IZUMO4: variants seen among roughly 807,000 people sequenced by gnomAD.
The protein encoded by IZUMO4 is izumo sperm-egg fusion protein 4.
In IZUMO4, 51 loss-of-function variants were observed where a neutral mutation model predicts 37.1. The ratio of observed to expected loss-of-function variants is 1.38; its 90% confidence interval spans 1.10 to 1.74. IZUMO4 has a LOEUF of 1.74. Ranked by LOEUF, IZUMO4 falls within the 40% of genes most tolerant of loss-of-function variation. The pLI is 0.00. For synonymous variants in IZUMO4, 162 were observed against 121.4 expected (o/e 1.33, Z -2.20); for missense variants, 364 against 299.6 (o/e 1.21, Z -1.59).
rs1369546876 is a variant in IZUMO4 at position 2,098,767 on chromosome 19, T to C, written c.537-20T>C. 6.2e-7 allele frequency: 1 copy of C among 1,604,074 alleles called. No individual in the cohort carries two copies. Among genetic ancestry groups the C allele is most frequent in the Admixed American group, 1.7e-5 (1 of 57,636 alleles). On this transcript the variant is annotated intron_variant, in intron 7 of 9. Transcript: ENST00000395301. ...AGGGGTGCCCCATGGAGGGGCTGAC[T>C]GCCCCACATTGCCTTTCAGACAGGA...
chr19:2,098,240 G>A, intron 5 of IZUMO4, 47 bp from the exon 6 acceptor site: 1 of 1,613,086 alleles, frequency 6.2e-7, no homozygotes. Context: ...GGGTAGGGCG[G>A]GGCCGTGGGT....
chr19:2,098,190 TCCTTGGAGGGGGCTCCCCGCCTTCCA>T, intron 5 of IZUMO4, 63 bp downstream of exon 5: 1 of 1,610,426 alleles, frequency 6.2e-7, no homozygotes, highest in Non-Finnish European at 8.5e-7. Flanking sequence ...TCCCAGGCTC[TCCTTGGAGGGGGCTCCCCGCCTTCCA>T]CCTGGCTGTC....
chr19:2,097,843 G>C, intron 3 of IZUMO4, 86 bp from the exon 4 acceptor site: 2 of 1,534,076 alleles, frequency 1.3e-6, no homozygotes, highest in Non-Finnish European at 1.8e-6. Flanking sequence ...CGAGGGACAG[G>C]CCCTGAGGCT....
rs1485511238 is a variant in IZUMO4, at chr19:2,099,299, C to T, written c.653C>T (p.Ala218Val). Residue 218 changes from alanine to valine, a missense_variant, in exon 10 of 10, where the codon GCC becomes GTC. By Grantham distance (64) the Ala-to-Val change is moderately conservative. Coordinates refer to ENST00000395301, the MANE Select transcript of IZUMO4 (RefSeq NM_001039846.2). ...ALRCLEPPHL[A>V]NLTLEDAAEC... ...AGGTGTCTGGAGCCCCCACACTTGG[C>T]CAACCTGACCTTGGAAGATGCTGCT... 3.1e-6 allele frequency: 5 copies of T among 1,613,488 alleles called. No homozygotes were observed. Among genetic ancestry groups the T allele is most frequent in the Admixed American group, 3.3e-5 (2 of 59,996 alleles).
Position 2,098,317 on chromosome 19 carries a change from G to C in IZUMO4, c.504G>C (p.Gln168His), listed in dbSNP as rs1440347380. The change falls in exon 6 of 10, where the codon CAG becomes CAC. Residue 168 changes from glutamine to histidine, a missense_variant. Coordinates refer to ENST00000395301, the MANE Select transcript of IZUMO4 (RefSeq NM_001039846.2). ...ESSAQWKSAVQGLLNYINNWH... is the reference protein window; with the variant it reads ...ESSAQWKSAVHGLLNYINNWH... ...CGGCGCAGTGGAAGTCAGCTGTCCA[G>C]GGCCTCCTGAACTACATGTGAGTGG... is the stretch of plus-strand genomic sequence containing the variant. 3.1e-6 allele frequency: 5 copies of C among 1,613,998 alleles called. No individual in the cohort carries two copies. The East Asian group carries it at 1.1e-4, about 36-fold the overall frequency.
rs1256147076 is a variant in IZUMO4, at chr19:2,099,559, T to C, written c.*214T>C. 3.4e-6 allele frequency: 2 copies of C among 580,352 alleles called. No individual in the cohort carries two copies. The highest frequency in any genetic ancestry group is 6.0e-5 in the Admixed American group (2 of 33,476). The allele number at this position is 580,352 out of a possible 1,614,324, so 36.0% of individuals were successfully genotyped here. A position where few individuals can be genotyped will look rare whatever the true frequency, so the allele number is the denominator to read the frequency against. The stretch of plus-strand genomic sequence containing the variant: ...TGGGCAGGTCCGCAGAGCTGCGGGA[T>C]GTGATTAAAGTCCCTGATGTTTCTC... On this transcript the variant is annotated 3_prime_UTR_variant, in exon 10 of 10. Coordinates refer to ENST00000395301, the MANE Select transcript of IZUMO4 (RefSeq NM_001039846.2).
chr19:2,098,743 G>C (rs1209236739), intron 7 of IZUMO4, 44 bp from the exon 8 acceptor site: 1 of 1,604,920 alleles, frequency 6.2e-7, no homozygotes, highest in Admixed American at 1.7e-5. Context: ...ACGATGGTTA[G>C]GGGTGCCCCA....
At position 2,098,904 on chromosome 19, in the gene IZUMO4, C is replaced by G. The variant is rs370199688; in HGVS notation, c.555-72C>G. On this transcript the variant is annotated intron_variant, in intron 8 of 9. Transcript: ENST00000395301. ...ATCAGTGGGGGCACTGCAGGTGGGG[C>G]TCTCCCTATACCTGGGACACCTGCT... 10 of 1,584,888 alleles carry G rather than the reference C, an allele frequency of 6.3e-6. No individual in the cohort carries two copies. In the African/African-American group the frequency reaches 1.3e-4, roughly 21 times the overall value.
intron 9 of IZUMO4, 105 bp downstream of exon 9, chr19:2,099,134 T>A (rs900902852): frequency 9.3e-6 from 13 of 1,395,672 alleles, no homozygotes; most frequent in Middle Eastern, 1.8e-4. Context: ...CACGAGGGTG[T>A]CGTGGATGTG....
Position 2,097,284 on chromosome 19 carries a change from G to T in IZUMO4, c.250G>T (p.Val84Leu). The T allele has an allele frequency of 6.2e-7, 1 of 1,612,828 alleles. No homozygotes were observed. Among genetic ancestry groups the T allele is most frequent in the East Asian group, 2.2e-5 (1 of 44,880 alleles). The change falls in exon 2 of 10, where the codon GTG becomes TTG. Residue 84 changes from valine (V) to leucine (L), a missense_variant. Val to Leu is a conservative substitution (Grantham distance 32). Transcript: ENST00000395301. Reference protein sequence around the residue: ...REKLDQVATAVYQMMDQLYQG... With the variant: ...REKLDQVATALYQMMDQLYQG... Reference sequence around the variant, plus strand: ...GAAGCTGGACCAAGTGGCGACAGCAGTGTACCAGATGATGGATCAGCTGTA... The same window carrying T: ...GAAGCTGGACCAAGTGGCGACAGCATTGTACCAGATGATGGATCAGCTGTA...
chr19:2,098,181 C>A, intron 5 of IZUMO4, 54 bp downstream of exon 5: 1 of 1,610,790 alleles, frequency 6.2e-7, no homozygotes, highest in African/African-American at 1.3e-5. Flanking sequence ...TCCCTGGGGT[C>A]CCAGGCTCTC....
rs546438730 is a variant in IZUMO4 at position 2,098,856 on chromosome 19, AG to A, written c.554+58del. ...GGGGGAGGGGGTAAAGGGAGAGAGG[AG>A]GGGGGCTAGGGGGTCCTCTAGATCA... On this transcript the variant is annotated intron_variant, in intron 8 of 9. Coordinates refer to ENST00000395301, the MANE Select transcript of IZUMO4 (RefSeq NM_001039846.2). 1.2e-3 allele frequency: 1,429 copies of A among 1,206,866 alleles called. 7 individuals carry two copies. Among genetic ancestry groups the A allele is most frequent in the East Asian group, 0.01 (405 of 39,970 alleles). 74.8% of individuals were successfully genotyped at this position (1,206,866 alleles called of 1,614,324 possible).
intron 5 of IZUMO4, 36 bp from the exon 6 acceptor site, chr19:2,098,251 T>A (rs1210473277): frequency 6.2e-7 from 1 of 1,613,318 alleles, no homozygotes; most frequent in Non-Finnish European, 8.5e-7. Context: ...GGCCGTGGGT[T>A]CAGGGGCGCA....
At chr19:2,099,093 C>T (rs560527251) in intron 9 of IZUMO4, 64 bp downstream of exon 9, 195 of 1,504,170 alleles carry the variant, frequency 1.3e-4, no homozygotes, top group Non-Finnish European at 1.6e-4. Flanking sequence ...ACCAGCGTGC[C>T]GCGGCCTGCA....
chr19:2,097,299 G>T lies in IZUMO4; in HGVS notation c.265G>T (p.Asp89Tyr), dbSNP rs1445860862. The T allele has an allele frequency of 1.2e-6, 2 of 1,612,854 alleles. No homozygotes were observed. The highest frequency in any genetic ancestry group is 1.1e-5 in the South Asian group (1 of 91,082). The change falls in exon 2 of 10, where the codon GAT (aspartate) becomes TAT (tyrosine). Residue 89 changes from aspartate (D) to tyrosine (Y), a missense_variant. Asp to Tyr is a radical substitution (Grantham distance 160, BLOSUM62 -3). Transcript: ENST00000395301. ...GGCGACAGCAGTGTACCAGATGATG[G>T]ATCAGCTGTACCAGGGGAAGATGTA... ...QVATAVYQMM[D>Y]QLYQGKMYFP... is the part of the protein sequence containing the mutation.
chr19:2,097,889 GC>G, intron 3 of IZUMO4, 39 bp from the exon 4 acceptor site: 1 of 1,611,916 alleles, frequency 6.2e-7, no homozygotes, highest in South Asian at 1.1e-5. Context: ...TGGGGACAAG[GC>G]TGGGCCTGGT....
chr19:2,099,263 C>T lies in IZUMO4; in HGVS notation c.617C>T (p.Ser206Leu), dbSNP rs201648768. The T allele has an allele frequency of 1.2e-5, 20 of 1,613,170 alleles. No homozygotes were observed. The highest frequency in any genetic ancestry group is 1.7e-4 in the Middle Eastern group (1 of 6,060). Reference sequence around the variant, plus strand: ...GCCTCGTCTCCCCGCAGCCTGGTATCGCCAGCCTTAAGGTGTCTGGAGCCC... The same window carrying T: ...GCCTCGTCTCCCCGCAGCCTGGTATTGCCAGCCTTAAGGTGTCTGGAGCCC... ...THRATPAFLV[S>L]PALRCLEPPH... Residue 206 changes from serine to leucine, a missense_variant, in exon 10 of 10, where the codon TCG becomes TTG. By Grantham distance (145) the Ser-to-Leu change is moderately radical (BLOSUM62 -2). Transcript: ENST00000395301.
rs372779227 is a variant in IZUMO4, at chr19:2,099,545, G to A, written c.*200G>A. The stretch of plus-strand genomic sequence containing the variant: ...GCAGCATCAGCGCCTGGGCAGGTCC[G>A]CAGAGCTGCGGGATGTGATTAAAGT... On this transcript the variant is annotated 3_prime_UTR_variant, in exon 10 of 10. Coordinates refer to ENST00000395301, the MANE Select transcript of IZUMO4 (RefSeq NM_001039846.2). The A allele has an allele frequency of 2.2e-3, 1,296 of 586,190 alleles. 3 individuals carry two copies. The highest frequency in any genetic ancestry group is 3.2e-3 in the Middle Eastern group (7 of 2,166). 36.3% of individuals were successfully genotyped at this position (586,190 alleles called of 1,614,324 possible).
Position 2,097,041 on chromosome 19 carries a change from C to T in IZUMO4, c.96C>T (p.Tyr32=). The T allele has an allele frequency of 6.2e-7, 1 of 1,612,628 alleles. No individual in the cohort carries two copies. The highest frequency in any genetic ancestry group is 1.1e-5 in the South Asian group (1 of 91,090). ...HSNFSKKFSF[Y]RHHVNFKSWW... is the part of the protein sequence containing the mutation. ...ACTTCTCCAAGAAGTTCTCCTTCTA[C>T]CGCCACCATGTGAACTTCAAGTCCT... Residue 32 remains tyrosine (Y), a synonymous_variant, in exon 1 of 10, where the codon TAC becomes TAT. Transcript: ENST00000395301.
Sources: gnomAD v4.1 joint callset for allele counts on GRCh38, gnomAD v4.1.1 for gene constraint, MANE v1.5 for transcripts, NCBI Gene and HGNC (gene_info 2026-07-23, HGNC 2026-07-21) for gene names.